Variants in RBFOX1 observed in about 807,000 individuals in gnomAD.
RBFOX1 encodes RNA binding protein fox-1 homolog 1.
RBFOX1 carries 8 observed loss-of-function variants against 57.7 expected under a neutral mutation model. The ratio of observed to expected loss-of-function variants is 0.14; its 90% CI spans 0.08 to 0.25. RBFOX1 has a LOEUF of 0.25. Among genes scored for constraint, RBFOX1 ranks in the 10% least tolerant of loss-of-function variants. The pLI is 1.00. For missense variants in RBFOX1, 611 were observed against 548.5 expected (o/e 1.11, Z -1.14); for synonymous variants, 326 against 222.4 (o/e 1.47, Z -4.15).
intron 3 of RBFOX1, among the ~76,000 whole-genome samples, chr16:5,862,434 T>C (rs2057243451): frequency 6.6e-6 from 1 of 152,132 alleles, no homozygotes; most frequent in South Asian, 2.1e-4. Flanking sequence ...GTAGCACCGT[T>C]GGCACAGCCA....
chr16:6,563,162 C>T (rs776943405), intron 2 of RBFOX1, among the ~76,000 whole-genome samples: 2 of 152,048 alleles, frequency 1.3e-5, no homozygotes, highest in South Asian at 2.1e-4. Context: ...CCTGTGTTGT[C>T]GTCCTTTGTG....
intron 2 of RBFOX1, among the ~76,000 whole-genome samples, chr16:6,513,815 C>T (rs568908483): frequency 6.6e-6 from 1 of 152,226 alleles, no homozygotes; most frequent in South Asian, 2.1e-4. Context: ...ACTGCAGAGC[C>T]AATCAGTTCA....
At chr16:5,575,461 A>T (rs1035482493) in intron 2 of RBFOX1, among the ~76,000 whole-genome samples, 2 of 152,204 alleles carry the variant, frequency 1.3e-5, no homozygotes, top group African/African-American at 2.4e-5. Context: ...TGGATGATAC[A>T]CCAAGAATGC....
intron 3 of RBFOX1, among the ~76,000 whole-genome samples, chr16:5,828,142 C>T (rs1272985046): frequency 6.6e-6 from 1 of 152,014 alleles, no homozygotes; most frequent in Non-Finnish European, 1.5e-5. Flanking sequence ...CCCATCCATC[C>T]ATGCATTCAG....
chr16:6,104,774 C>G (rs1024080810), intron 1 of RBFOX1, among the ~76,000 whole-genome samples: 1 of 152,134 alleles, frequency 6.6e-6, no homozygotes, highest in Non-Finnish European at 1.5e-5. Flanking sequence ...AGAAGCTACA[C>G]CACATAGATG....
chr16:5,679,919 G>C (rs1386205070), intron 3 of RBFOX1, among the ~76,000 whole-genome samples: 1 of 152,118 alleles, frequency 6.6e-6, no homozygotes, highest in Non-Finnish European at 1.5e-5. Context: ...TTTAGTCTGT[G>C]TTCTATTCAT....
chr16:6,067,380 C>G (rs62017373), intron 1 of RBFOX1, among the ~76,000 whole-genome samples: 1 of 13,768 alleles, frequency 7.3e-5, no homozygotes, highest in East Asian at 1.4e-3. Context: ...AAAAACAAAC[C>G]AACCAAACAA....
chr16:6,196,272 T>C (rs1387046962), intron 1 of RBFOX1, among the ~76,000 whole-genome samples: 4 of 152,218 alleles, frequency 2.6e-5, no homozygotes, highest in Non-Finnish European at 5.9e-5. Context: ...TTTTTACCCC[T>C]GCACCAGAGG....
intron 4 of RBFOX1, among the ~76,000 whole-genome samples, chr16:7,184,271 G>A (rs2083286746): frequency 6.6e-6 from 1 of 152,126 alleles, no homozygotes; most frequent in Non-Finnish European, 1.5e-5. Flanking sequence ...TTTAGTTTTA[G>A]GACAATAGGA....
At chr16:6,757,768 C>G (rs62017642) in intron 3 of RBFOX1, among the ~76,000 whole-genome samples, 1 of 151,890 alleles carries the variant, frequency 6.6e-6, no homozygotes, top group African/African-American at 2.4e-5. Context: ...ATTTATTGTA[C>G]ATTTCAAAGT....
intron 1 of RBFOX1, among the ~76,000 whole-genome samples, chr16:5,248,115 C>T (rs533815281): frequency 2.1e-3 from 320 of 152,296 alleles, no homozygotes; most frequent in African/African-American, 7.2e-3. Flanking sequence ...CCAGTGAGGC[C>T]GGCTGTCTTG....
At chr16:5,640,102 C>T (rs779910823) in intron 3 of RBFOX1, among the ~76,000 whole-genome samples, 4 of 152,068 alleles carry the variant, frequency 2.6e-5, no homozygotes, top group Non-Finnish European at 4.4e-5. Flanking sequence ...GTAAAAGAAC[C>T]TTCTGTAGCA....
At chr16:7,227,231 T>C (rs1603382211) in intron 4 of RBFOX1, among the ~76,000 whole-genome samples, 1 of 151,962 alleles carries the variant, frequency 6.6e-6, no homozygotes, top group Non-Finnish European at 1.5e-5. Context: ...ACATGCCATG[T>C]GCTCTATCTG....
In RBFOX1 at chr16:5,391,909, G is replaced by A. The variant is rs531415805; in HGVS notation, c.220-75307G>A. ...TGTGTATACACACACACACACACAC[G>A]CACACACATATATATACACACACAA... On this transcript the variant is annotated intron_variant, in intron 1 of 2. Transcript: ENST00000585867. Among the ~76,000 whole-genome samples the A allele has an allele frequency of 7.1e-4, 100 of 141,490 alleles. 1 individual carries two copies. The highest frequency in any genetic ancestry group is 1.8e-3 in the African/African-American group (63 of 35,876). 92.8% of individuals were successfully genotyped at this position (141,490 alleles called of 152,430 possible).
intron 1 of RBFOX1, among the ~76,000 whole-genome samples, chr16:6,151,340 C>T (rs1375131680): frequency 4.6e-5 from 7 of 152,148 alleles, no homozygotes; most frequent in African/African-American, 1.7e-4. Flanking sequence ...GGCTGGAGTG[C>T]AGTGGCACGA....
Position 5,248,089 on chromosome 16 carries a change from G to A in RBFOX1, c.219+7984G>A, listed in dbSNP as rs774495505. On this transcript the variant is annotated intron_variant, in intron 1 of 2. Coordinates refer to the RBFOX1 transcript ENST00000585867. ...AGGCAAGGGCTTGGGATCTCACCTC[G>A]CACAGCTTACAAAACCCAGTGAGGC... is the stretch of plus-strand genomic sequence containing the variant. Among the ~76,000 whole-genome samples the A allele has an allele frequency of 2.4e-3, 364 of 152,248 alleles. 1 individual carries two copies. The highest frequency in any genetic ancestry group is 4.0e-3 in the Non-Finnish European group (275 of 68,010).
intron 4 of RBFOX1, among the ~76,000 whole-genome samples, chr16:7,392,771 T>A (rs1568593883): frequency 6.6e-6 from 1 of 152,308 alleles, no homozygotes; most frequent in East Asian, 1.9e-4. Context: ...AGGGTTTGCA[T>A]AATTACTGTA....
intron 1 of RBFOX1, among the ~76,000 whole-genome samples, chr16:6,284,280 G>A (rs996327696): frequency 2.6e-5 from 4 of 152,194 alleles, no homozygotes; most frequent in Admixed American, 1.3e-4. Flanking sequence ...TTCCTATGCC[G>A]TCAGGACAGC....
intron 1 of RBFOX1, among the ~76,000 whole-genome samples, chr16:5,274,728 A>G (rs1352542882): frequency 1.3e-5 from 2 of 152,146 alleles, no homozygotes; most frequent in Non-Finnish European, 2.9e-5. Flanking sequence ...CGCAGGAGCC[A>G]CCTCTCAGTC....
Sources: allele counts gnomAD v4.1 joint callset (sites outside exome capture counted in the v4.1 genomes callset), GRCh38; gene constraint gnomAD v4.1.1; transcripts MANE v1.5; gene names NCBI Gene and HGNC (gene_info 2026-07-23, HGNC 2026-07-21).